CPT1A: variants seen among roughly 807,000 people sequenced by gnomAD.
CPT1A encodes the protein carnitine palmitoyltransferase 1A.
CPT1A carries 64 observed loss-of-function variants against 100.8 expected under a neutral mutation model. The observed-to-expected ratio is 0.63, with a 90% CI of 0.52 to 0.78. The LOEUF is 0.78. Among genes scored for constraint, CPT1A ranks in the 30% least tolerant of loss-of-function variants. CPT1A has a pLI of 0.00. For synonymous variants in CPT1A, 363 were observed against 396.0 expected (o/e 0.92, Z 0.99); for missense variants, 802 against 1,034.1 (o/e 0.78, Z 3.08).
chr11:68,821,940 A>G (rs1856595989), intron 1 of CPT1A, among the ~76,000 whole-genome samples: 1 of 152,168 alleles, frequency 6.6e-6, no homozygotes, highest in Non-Finnish European at 1.5e-5. Flanking sequence ...ACACCACTTC[A>G]CACTCAGGAG....
At chr11:68,827,878 C>G (rs1419851761) in intron 1 of CPT1A, among the ~76,000 whole-genome samples, 1 of 152,164 alleles carries the variant, frequency 6.6e-6, no homozygotes, top group Non-Finnish European at 1.5e-5. Context: ...CCATGCCCAC[C>G]TACACAGCCC....
Position 68,760,347 on chromosome 11 carries a change from T to C in CPT1A, c.2029-9A>G, listed in dbSNP as rs1297784012. The C allele has an allele frequency of 1.2e-6, 2 of 1,600,798 alleles. No homozygotes were observed. Among genetic ancestry groups the C allele is most frequent in the Non-Finnish European group, 1.7e-6 (2 of 1,171,698 alleles). ...CAAGGCTCAGATAAAACCTATTGAGTGAAACAGGGAAATGTTTCCTAATCC... is the reference window on the plus strand; with the variant it reads ...CAAGGCTCAGATAAAACCTATTGAGCGAAACAGGGAAATGTTTCCTAATCC... On this transcript the variant is annotated splice_polypyrimidine_tract_variant and intron_variant, in intron 16 of 18. Coordinates refer to ENST00000265641, the MANE Select transcript of CPT1A (RefSeq NM_001876.4).
At chr11:68,760,952 C>T (rs949408366) in intron 16 of CPT1A, among the ~76,000 whole-genome samples, 3 of 151,790 alleles carry the variant, frequency 2.0e-5, no homozygotes, top group South Asian at 2.1e-4. Flanking sequence ...ACCCGGGAGG[C>T]GGAGGTTTCA....
chr11:68,823,191 A>C (rs1010067376), intron 1 of CPT1A, among the ~76,000 whole-genome samples: 1 of 151,986 alleles, frequency 6.6e-6, no homozygotes, highest in Non-Finnish European at 1.5e-5. Context: ...TCGAAGCTGC[A>C]GTGAGCCGTG....
chr11:68,835,318 A>G (rs1033117931), intron 1 of CPT1A, among the ~76,000 whole-genome samples: 1 of 152,062 alleles, frequency 6.6e-6, no homozygotes, highest in Non-Finnish European at 1.5e-5. Flanking sequence ...GACATCCTAA[A>G]CCTCCTCTTC....
At chr11:68,784,133 A>G (rs997388577) in intron 10 of CPT1A, among the ~76,000 whole-genome samples, 1 of 152,190 alleles carries the variant, frequency 6.6e-6, no homozygotes, top group African/African-American at 2.4e-5. Context: ...AAAGCAATGG[A>G]ATTATAGGCG....
intron 9 of CPT1A, among the ~76,000 whole-genome samples, chr11:68,788,630 T>TAAAAAAAAAAAAAAAAAAAAAAAAAAAG: frequency 7.3e-5 from 2 of 27,548 alleles, no homozygotes; most frequent in African/African-American, 1.4e-4. Context: ...CAAACAAAAG[T>TAAAAAAAAAAAAAAAAAAAAAAAAAAAG]AAAAAAAAAA....
At chr11:68,811,028 C>T (rs147677627) in intron 3 of CPT1A, among the ~76,000 whole-genome samples, 23 of 152,230 alleles carry the variant, frequency 1.5e-4, no homozygotes, top group African/African-American at 4.1e-4. Flanking sequence ...AGTGAGTTTT[C>T]GTTTACGTCT....
chr11:68,780,845 T>C, intron 11 of CPT1A, 100 bp from the exon 12 acceptor site: 1 of 854,094 alleles, frequency 1.2e-6, no homozygotes, highest in Non-Finnish European at 2.0e-6. Flanking sequence ...TAATTCACTT[T>C]GCACCTGTCC....
intron 9 of CPT1A, among the ~76,000 whole-genome samples, chr11:68,792,372 T>A (rs1855640769): frequency 6.6e-6 from 1 of 152,096 alleles, no homozygotes; most frequent in Non-Finnish European, 1.5e-5. Context: ...AGGTCAGCTC[T>A]GGCCCTTTCC....
At chr11:68,794,446 T>C (rs1338051382) in intron 8 of CPT1A, among the ~76,000 whole-genome samples, 1 of 152,238 alleles carries the variant, frequency 6.6e-6, no homozygotes, top group East Asian at 1.9e-4. Context: ...GTTTTGCTCT[T>C]ATAACCCAGG....
In CPT1A at chr11:68,815,346, G is replaced by T. The variant is rs912406492; in HGVS notation, c.129C>A (p.Phe43Leu). ...LSGLHSWKKKFIRFKNGIITG... is the reference protein window; with the variant it reads ...LSGLHSWKKKLIRFKNGIITG... ...AATCTCAGAAAACCTTGAATCTGAT[G>T]AACTTCTTTTTCCAGGAATGAAGTC... Residue 43 changes from phenylalanine (F) to leucine (L), a missense_variant, in exon 2 of 19, where the codon TTC (phenylalanine) becomes TTA (leucine). Around this residue, in one of 4 missense-constraint regions of CPT1A, gnomAD observed 161 missense variants for 183.7 expected, o/e 0.88. Coordinates refer to ENST00000265641, the MANE Select transcript of CPT1A (RefSeq NM_001876.4). 2.5e-6 allele frequency: 4 copies of T among 1,613,978 alleles called. No homozygotes were observed. Among genetic ancestry groups the T allele is most frequent in the Non-Finnish European group, 3.4e-6 (4 of 1,180,018 alleles).
intron 11 of CPT1A, 37 bp downstream of exon 11, chr11:68,781,733 TG>T (rs758638307): frequency 6.3e-7 from 1 of 1,598,496 alleles, no homozygotes; most frequent in Non-Finnish European, 8.6e-7. Context: ...TCCAAGCTCA[TG>T]GGCAAACTCC....
chr11:68,831,575 G>A (rs1856881328), intron 1 of CPT1A, among the ~76,000 whole-genome samples: 1 of 152,048 alleles, frequency 6.6e-6, no homozygotes. Flanking sequence ...GTGTGGGAAG[G>A]TAGGTAGGTA....
intron 2 of CPT1A, among the ~76,000 whole-genome samples, chr11:68,813,347 A>G (rs1856273795): frequency 6.6e-6 from 1 of 151,942 alleles, no homozygotes; most frequent in Admixed American, 6.6e-5. Flanking sequence ...CCTGACCAAC[A>G]TGGTGAAATC....
chr11:68,762,109 T>C (rs1170058370), intron 15 of CPT1A, among the ~76,000 whole-genome samples: 2 of 152,352 alleles, frequency 1.3e-5, no homozygotes, highest in East Asian at 3.9e-4. Context: ...TGAATTCATC[T>C]AGGCCTCTGT....
In CPT1A at chr11:68,755,013, G is replaced by A. The variant is rs1488226737; in HGVS notation, c.*2631C>T. On this transcript the variant is annotated 3_prime_UTR_variant, in exon 19 of 19. Transcript: ENST00000265641. ...CCCAAGATAACAAATTCAAACCATGGCTGCGTTAAGACAATGGTTTGTTCC... is the reference window on the plus strand; with the variant it reads ...CCCAAGATAACAAATTCAAACCATGACTGCGTTAAGACAATGGTTTGTTCC... 2 of 614,986 alleles carry A rather than the reference G, an allele frequency of 3.3e-6. No homozygotes were observed. The highest frequency in any genetic ancestry group is 2.8e-5 in the East Asian group (1 of 36,270). 38.1% of individuals were successfully genotyped at this position (614,986 alleles called of 1,614,324 possible). A position where few individuals can be genotyped will look rare whatever the true frequency, so the allele number is the denominator to read the frequency against.
chr11:68,785,726 T>A lies in CPT1A; in HGVS notation c.968-716A>T, dbSNP rs150533068. 16 of 390,764 alleles carry A rather than the reference T, an allele frequency of 4.1e-5. 1 individual carries two copies. In the Admixed American group the frequency reaches 6.4e-4, roughly 16 times the overall value. 24.2% of individuals were successfully genotyped at this position (390,764 alleles called of 1,614,324 possible). ...TAAGAGACGATATCCGTAAAGCCCA[T>A]GTAAATAGGCATTCGATCCGTATAG... On this transcript the variant is annotated intron_variant, in intron 9 of 18. Coordinates refer to ENST00000265641, the MANE Select transcript of CPT1A (RefSeq NM_001876.4).
intron 9 of CPT1A, among the ~76,000 whole-genome samples, chr11:68,790,547 C>A (rs1262210107): frequency 6.6e-6 from 1 of 152,178 alleles, no homozygotes; most frequent in East Asian, 1.9e-4. Context: ...CCAAGGAGCA[C>A]CTGGACCCCC....
Sources: allele counts gnomAD v4.1 joint callset (sites outside exome capture counted in the v4.1 genomes callset), GRCh38; gene constraint gnomAD v4.1.1; regional missense constraint gnomAD v4.1.1; transcripts MANE v1.5; gene names NCBI Gene and HGNC (gene_info 2026-07-23, HGNC 2026-07-21).